SCN11A: variants seen among roughly 807,000 people sequenced by gnomAD.
SCN11A encodes sodium voltage-gated channel alpha subunit 11.
Under a neutral mutation model 162.2 loss-of-function variants are expected in SCN11A, and 122 were observed. The ratio of observed to expected loss-of-function variants is 0.75; its 90% CI spans 0.65 to 0.87. The LOEUF (loss-of-function observed/expected upper bound fraction) is 0.87. Among genes scored for constraint, SCN11A ranks in the 40% least tolerant of loss-of-function variants. The pLI, the probability that SCN11A is intolerant of heterozygous loss-of-function variation, is 0.00. For synonymous variants in SCN11A, 758 were observed against 751.5 expected, an observed-to-expected ratio of 1.01 and a Z score of -0.14; for missense variants, 2,015 against 2,181.6, an observed-to-expected ratio of 0.92 and a Z score of 1.52.
intron 2 of SCN11A, among the ~76,000 whole-genome samples, chr3:39,016,244 T>C (rs762545669): frequency 6.6e-6 from 1 of 152,166 alleles, no homozygotes; most frequent in Non-Finnish European, 1.5e-5. Context: ...CAGATGGTCA[T>C]TGGCCATGGG....
In SCN11A at chr3:38,850,727, C is replaced by G. The variant is rs150340436; in HGVS notation, c.4081G>C (p.Asp1361His). The change falls in exon 29 of 30, where the codon GAC becomes CAC. Residue 1361 changes from aspartate (D) to histidine (H), a missense_variant. By Grantham distance (81) the Asp-to-His change is moderately conservative. Coordinates refer to ENST00000302328, the MANE Select transcript of SCN11A (RefSeq NM_001349253.2). ...TCAAAGATCTGGCTTGTGACTATGT[C>G]GAACACGAGACCTTGACATTTGTTC... Reference protein sequence around the residue: ...PLNKCQGLVFDIVTSQIFDII... With the variant: ...PLNKCQGLVFHIVTSQIFDII... 2 of 1,606,638 alleles carry G rather than the reference C, an allele frequency of 1.2e-6. No individual in the cohort carries two copies. The highest frequency in any genetic ancestry group is 2.7e-5 in the African/African-American group (2 of 74,584).
intron 8 of SCN11A, 152 bp downstream of exon 8, chr3:38,926,651 G>A: frequency 8.5e-6 from 6 of 705,070 alleles, no homozygotes; most frequent in Non-Finnish European, 1.4e-5. Flanking sequence ...GGCTGCACGT[G>A]CTGTTCAGGG....
chr3:38,925,543 G>T, intron 8 of SCN11A, 34 bp from the exon 9 acceptor site: 1 of 1,435,128 alleles, frequency 7.0e-7, no homozygotes, highest in Non-Finnish European at 9.8e-7. Flanking sequence ...GCATGGGCTT[G>T]CTCAGTCCTG....
chr3:39,043,128 C>T (rs957298120), intron 1 of SCN11A, among the ~76,000 whole-genome samples: 1 of 151,788 alleles, frequency 6.6e-6, no homozygotes, highest in African/African-American at 2.4e-5. Context: ...ATTATCTCAC[C>T]CCAGTTAAAA....
intron 1 of SCN11A, among the ~76,000 whole-genome samples, chr3:39,048,083 C>G (rs2032227720): frequency 6.6e-6 from 1 of 152,196 alleles, no homozygotes; most frequent in Non-Finnish European, 1.5e-5. Flanking sequence ...TACTGCAGCA[C>G]TATTCACAGT....
intron 2 of SCN11A, among the ~76,000 whole-genome samples, chr3:38,966,093 T>C (rs950020618): frequency 1.1e-4 from 16 of 152,254 alleles, no homozygotes; most frequent in African/African-American, 3.6e-4. Context: ...TGGTTGTTTC[T>C]GTTCAGAAGT....
chr3:38,863,441 C>T (rs2064996951), intron 27 of SCN11A, 142 bp from the exon 28 acceptor site: 1 of 562,996 alleles, frequency 1.8e-6, no homozygotes, highest in Non-Finnish European at 3.1e-6. Flanking sequence ...AGAGACTGGA[C>T]CATAGCGAAA....
At chr3:39,028,286 G>T (rs55891621) in intron 2 of SCN11A, among the ~76,000 whole-genome samples, 1 of 152,046 alleles carries the variant, frequency 6.6e-6, no homozygotes, top group Non-Finnish European at 1.5e-5. Context: ...TCCCCTTGGC[G>T]GAGAAGGGAT....
At chr3:38,854,516 A>T (rs1310328846) in intron 28 of SCN11A, among the ~76,000 whole-genome samples, 2 of 152,204 alleles carry the variant, frequency 1.3e-5, no homozygotes, top group Non-Finnish European at 2.9e-5. Context: ...ACTTGGATGG[A>T]CAGAACAGTG....
rs1366182381 is a variant in SCN11A at position 38,846,653 on chromosome 3, G to T, written c.*41C>A. ...GACCCCTGGAGCTCAGAGGCTGAAG[G>T]CAAGGCTGTGAAGCTATGAGGTAGG... On this transcript the variant is annotated 3_prime_UTR_variant, in exon 30 of 30. Coordinates refer to ENST00000302328, the MANE Select transcript of SCN11A (RefSeq NM_001349253.2). 6.5e-7 allele frequency: 1 copy of T among 1,545,766 alleles called. No homozygotes were observed. Among genetic ancestry groups the T allele is most frequent in the East Asian group, 2.3e-5 (1 of 44,368 alleles).
At chr3:38,970,783 C>T (rs889698155) in intron 2 of SCN11A, among the ~76,000 whole-genome samples, 59 of 152,328 alleles carry the variant, frequency 3.9e-4, no homozygotes, top group African/African-American at 1.4e-3. Flanking sequence ...GAGGTCAGCA[C>T]CATGGGCCGT....
rs1406348004 is a variant in SCN11A at position 38,945,490 on chromosome 3, C to A, written c.409G>T (p.Gly137Cys). Residue 137 changes from glycine to cysteine, a missense_variant, in exon 7 of 30, where the codon GGC becomes TGC. Physicochemically the swap from Gly to Cys is radical, Grantham distance 159. Transcript: ENST00000302328. ...AACACGCAGTTGATGATAACGGTGC[C>A]GATAATGAACATGCTGAACAATGTG... ...VHSLFSMFII[G>C]TVIINCVFMA... 1.9e-6 allele frequency: 3 copies of A among 1,582,772 alleles called. No homozygotes were observed. Among genetic ancestry groups the A allele is most frequent in the Admixed American group, 1.7e-5 (1 of 57,820 alleles).
chr3:38,984,231 G>A (rs993073745), intron 2 of SCN11A, among the ~76,000 whole-genome samples: 1 of 152,212 alleles, frequency 6.6e-6, no homozygotes, highest in Non-Finnish European at 1.5e-5. Context: ...CTCCACTGAG[G>A]AAGGTGCCCT....
chr3:38,985,222 G>T (rs1442647669), intron 2 of SCN11A, among the ~76,000 whole-genome samples: 1 of 148,354 alleles, frequency 6.7e-6, no homozygotes, highest in African/African-American at 2.6e-5. Context: ...CTGCCTCCCG[G>T]GTTTATGCCA....
chr3:38,937,067 G>A (rs903959831), intron 7 of SCN11A, among the ~76,000 whole-genome samples: 6 of 152,116 alleles, frequency 3.9e-5, no homozygotes, highest in South Asian at 4.1e-4. Flanking sequence ...AAACAACGCC[G>A]CATATCTACA....
chr3:39,026,421 G>C (rs1281590757), intron 2 of SCN11A, among the ~76,000 whole-genome samples: 2 of 152,246 alleles, frequency 1.3e-5, no homozygotes, highest in African/African-American at 4.8e-5. Context: ...CCGGGTCGTG[G>C]GAGTTCTCCC....
chr3:38,941,075 G>C (rs980056954), intron 7 of SCN11A, among the ~76,000 whole-genome samples: 1 of 152,212 alleles, frequency 6.6e-6, no homozygotes, highest in African/African-American at 2.4e-5. Flanking sequence ...TGGTCTGAGA[G>C]TGTTTTCCAA....
At chr3:38,940,450 A>G (rs1334962222) in intron 7 of SCN11A, among the ~76,000 whole-genome samples, 1 of 152,220 alleles carries the variant, frequency 6.6e-6, no homozygotes, top group Non-Finnish European at 1.5e-5. Flanking sequence ...GACAATCTTG[A>G]TAGTTAAAAA....
chr3:39,035,585 T>G (rs1035352307), intron 1 of SCN11A, among the ~76,000 whole-genome samples: 2 of 152,180 alleles, frequency 1.3e-5, no homozygotes, highest in African/African-American at 4.8e-5. Flanking sequence ...CTCCCTATGT[T>G]GCTCTGGCTG....
Sources: gnomAD v4.1 joint callset for allele counts (sites outside exome capture counted in the v4.1 genomes callset) on GRCh38, gnomAD v4.1.1 for gene constraint, MANE v1.5 for transcripts, NCBI Gene and HGNC (gene_info 2026-07-23, HGNC 2026-07-21) for gene names.